Variants in ZNF417 observed in about 807,000 individuals in gnomAD.
The protein encoded by ZNF417 is zinc finger protein 417.
In ZNF417, 5 loss-of-function variants were observed where a neutral mutation model predicts 7.4. The ratio of observed to expected loss-of-function variants is 0.68; its 90% CI spans 0.35 to 1.43. ZNF417 has a LOEUF of 1.43. ZNF417 is among the 40% of genes most tolerant of loss of function. The pLI, the probability that ZNF417 is intolerant of heterozygous loss-of-function variation, is 0.04. For synonymous variants in ZNF417, 147 were observed against 239.1 expected, an observed-to-expected ratio of 0.61 and a Z score of 3.55; for missense variants, 437 against 697.3, an observed-to-expected ratio of 0.63 and a Z score of 4.20.
intron 1 of ZNF417, chr19:57,915,418 C>T (rs2071938793): frequency 2.5e-6 from 1 of 397,884 alleles, no homozygotes; most frequent in Non-Finnish European, 4.7e-6. Flanking sequence ...GTTCCATCCT[C>T]CCGGCTCCGT....
intron 1 of ZNF417, among the ~76,000 whole-genome samples, chr19:57,914,821 C>T (rs2071932883): frequency 6.6e-6 from 1 of 152,168 alleles, no homozygotes; most frequent in African/African-American, 2.4e-5. Context: ...CAGAAATGGG[C>T]ATACTTGCAT....
Position 57,908,931 on chromosome 19 carries a change from A to T in ZNF417, c.1347T>A (p.Tyr449Ter). 1 of 1,612,922 alleles carries T rather than the reference A, an allele frequency of 6.2e-7. No individual in the cohort carries two copies. Among genetic ancestry groups the T allele is most frequent in the South Asian group, 1.1e-5 (1 of 91,032 alleles). The stretch of plus-strand genomic sequence containing the variant: ...GAACTCTCTCATGAACGAGAAGATG[A>T]TACTTCCTGTTAAATAATTTCCCAC... ...RECGKLFNRK[Y>*]HLLVHERVHT... is the part of the protein sequence containing the mutation. Residue 449 changes from tyrosine (Y) to a stop codon, truncating the protein, a stop_gained, in exon 3 of 3, where the codon TAT (tyrosine) becomes TAA (stop). Transcript: ENST00000312026. LOFTEE classifies it low-confidence loss of function (END_TRUNC).
At chr19:57,912,328 G>A (rs543445928) in intron 1 of ZNF417, 139 bp from the exon 2 acceptor site, 2 of 1,459,492 alleles carry the variant, frequency 1.4e-6, no homozygotes, top group East Asian at 2.4e-5. Flanking sequence ...TAGTGCCTTT[G>A]TCTCTTCATG....
At chr19:57,914,054 CTT>C (rs1156480564) in intron 1 of ZNF417, among the ~76,000 whole-genome samples, 2 of 152,194 alleles carry the variant, frequency 1.3e-5, no homozygotes, top group East Asian at 1.9e-4. Flanking sequence ...AAACAACACT[CTT>C]GATATCCACA....
chr19:57,913,084 G>T (rs2071914212), intron 1 of ZNF417, among the ~76,000 whole-genome samples: 1 of 151,754 alleles, frequency 6.6e-6, no homozygotes, highest in African/African-American at 2.4e-5. Context: ...CGGGCTGTTA[G>T]GCTAGGATAC....
At chr19:57,914,385 C>A (rs1385415891) in intron 1 of ZNF417, among the ~76,000 whole-genome samples, 2 of 144,352 alleles carry the variant, frequency 1.4e-5, no homozygotes, top group African/African-American at 5.2e-5. Flanking sequence ...ACCTTGGAGG[C>A]TGAGGCAGGA....
At chr19:57,913,429 C>G (rs1217986027) in intron 1 of ZNF417, among the ~76,000 whole-genome samples, 2 of 152,200 alleles carry the variant, frequency 1.3e-5, no homozygotes, top group Non-Finnish European at 2.9e-5. Context: ...TCAGCTGTAG[C>G]AACCCTCCTC....
Position 57,907,825 on chromosome 19 carries a change from T to A in ZNF417, c.*725A>T, listed in dbSNP as rs142322872. 4.1e-3 allele frequency: 623 copies of A among 153,408 alleles called. 5 individuals are homozygous for A. Among genetic ancestry groups the A allele is most frequent in the Middle Eastern group, 0.02 (17 of 858 alleles). The allele number at this position is 153,408 out of a possible 1,614,324, so 9.5% of individuals were successfully genotyped here. A position where few individuals can be genotyped will look rare whatever the true frequency, so the allele number is the denominator to read the frequency against. On this transcript the variant is annotated 3_prime_UTR_variant, in exon 3 of 3. Coordinates refer to ENST00000312026, the MANE Select transcript of ZNF417 (RefSeq NM_152475.3). ...GTGTCTGCACAGGGACTGGAGATTA[T>A]CTCCAGAAAAGAGCTTGGAGTGAGG...
chr19:57,908,304 T>C lies in ZNF417; in HGVS notation c.*246A>G, dbSNP rs529733009. 1.6e-6 allele frequency: 1 copy of C among 606,250 alleles called. No individual in the cohort carries two copies. The highest frequency in any genetic ancestry group is 2.0e-5 in the South Asian group (1 of 49,144). The allele number at this position is 606,250 out of a possible 1,614,324, so 37.6% of individuals were successfully genotyped here. ...TCGTAATCTCAGCTCCTTGGGAGGCTGAGGTAGGAGAATCACTTGAACCTG... is the reference window on the plus strand; with the variant it reads ...TCGTAATCTCAGCTCCTTGGGAGGCCGAGGTAGGAGAATCACTTGAACCTG... On this transcript the variant is annotated 3_prime_UTR_variant, in exon 3 of 3. Coordinates refer to ENST00000312026, the MANE Select transcript of ZNF417 (RefSeq NM_152475.3).
At chr19:57,912,734 A>C (rs2071909831) in intron 1 of ZNF417, among the ~76,000 whole-genome samples, 3 of 151,692 alleles carry the variant, frequency 2.0e-5, no homozygotes, top group African/African-American at 7.3e-5. Flanking sequence ...TCAGCCTCCC[A>C]AGTAGCCGGG....
rs1157286544 is a variant in ZNF417 at position 57,909,494 on chromosome 19, G to C, written c.784C>G (p.His262Asp). Residue 262 changes from histidine (H) to aspartate (D), a missense_variant, in exon 3 of 3, where the codon CAC becomes GAC. Transcript: ENST00000312026. ...CAATCATAAGGTCCTTTTGCAGTGTGATCTCGCTGATGATTACTGAAGCTG... is the reference window on the plus strand; with the variant it reads ...CAATCATAAGGTCCTTTTGCAGTGTCATCTCGCTGATGATTACTGAAGCTG... ...YVSFSNHQRDHTAKGPYDCGE... is the reference protein window; with the variant it reads ...YVSFSNHQRDDTAKGPYDCGE... The C allele has an allele frequency of 3.7e-6, 6 of 1,612,644 alleles. No homozygotes were observed. In the Admixed American group the frequency reaches 8.4e-5, roughly 22 times the overall value.
chr19:57,915,526 T>A (rs1396607812), intron 1 of ZNF417: 1 of 457,962 alleles, frequency 2.2e-6, no homozygotes, highest in East Asian at 5.8e-5. Context: ...CTTTGCAAAA[T>A]TATAACTGAG....
At chr19:57,914,410 C>T (rs534127342) in intron 1 of ZNF417, among the ~76,000 whole-genome samples, 216 of 140,406 alleles carry the variant, frequency 1.5e-3, no homozygotes, top group Non-Finnish European at 1.3e-3. Context: ...CGCTTGAACC[C>T]GGGAGGCAGA....
Position 57,916,504 on chromosome 19 carries a change from C to A in ZNF417, c.-93G>T. 1.2e-6 allele frequency: 2 copies of A among 1,602,382 alleles called. No individual in the cohort carries two copies. Among genetic ancestry groups the A allele is most frequent in the Non-Finnish European group, 8.5e-7 (1 of 1,174,580 alleles). Reference sequence around the variant, plus strand: ...GGCACCGAGGACGATTCCTCTCCACCTTCTAGGTTCAGTCACCGCGGTCCC... The same window carrying A: ...GGCACCGAGGACGATTCCTCTCCACATTCTAGGTTCAGTCACCGCGGTCCC... On this transcript the variant is annotated 5_prime_UTR_variant, in exon 1 of 3. In the 5' UTR this introduces an upstream ATG that the reference lacks. Coordinates refer to ENST00000312026, the MANE Select transcript of ZNF417 (RefSeq NM_152475.3).
At position 57,907,218 on chromosome 19, in the gene ZNF417, C is replaced by T. The variant is rs2071840043; in HGVS notation, c.*1332G>A. The T allele has an allele frequency of 6.6e-6, 1 of 152,160 alleles. No homozygotes were observed. The highest frequency in any genetic ancestry group is 1.5e-5 in the Non-Finnish European group (1 of 68,028). The allele number at this position is 152,160 out of a possible 1,614,324, so 9.4% of individuals were successfully genotyped here. On this transcript the variant is annotated 3_prime_UTR_variant, in exon 3 of 3. Coordinates refer to ENST00000312026, the MANE Select transcript of ZNF417 (RefSeq NM_152475.3). ...ACAAGCTTTATCCACATTTCTTAAC[C>T]TTTTGTTTCACTAAATGGGACAGGA...
rs548428463 is a variant in ZNF417, at chr19:57,908,647, C to G, written c.1631G>C (p.Gly544Ala). 7.4e-6 allele frequency: 12 copies of G among 1,614,176 alleles called. No homozygotes were observed. The Admixed American group carries it at 1.7e-4, about 22-fold the overall frequency. The change falls in exon 3 of 3, where the codon GGA becomes GCA. Residue 544 changes from glycine (G) to alanine (A), a missense_variant. Physicochemically the swap from Gly to Ala is moderately conservative, Grantham distance 60 (BLOSUM62 0). Coordinates refer to ENST00000312026, the MANE Select transcript of ZNF417 (RefSeq NM_152475.3). ...TTTGGTACATTCATAAGGCCTTTCT[C>G]CAGTGTGAATTCTCCTGTGTTTAAT... is the stretch of plus-strand genomic sequence containing the variant. The part of the protein sequence containing the change: ...SLIKHRRIHT[G>A]ERPYECTKCG...
At chr19:57,915,389 C>A (rs2071938392) in intron 1 of ZNF417, 1 of 312,734 alleles carries the variant, frequency 3.2e-6, no homozygotes, top group Admixed American at 4.4e-5. Context: ...AGCTCCACCT[C>A]ACACTTTGTT....
At chr19:57,915,575 C>A in intron 1 of ZNF417, 1 of 391,490 alleles carries the variant, frequency 2.6e-6, no homozygotes. Context: ...CTTACTGACT[C>A]CGTCTTGCTT....
chr19:57,915,363 T>G, intron 1 of ZNF417: 1 of 264,322 alleles, frequency 3.8e-6, no homozygotes, highest in East Asian at 1.0e-4. Flanking sequence ...CTCGGCCTGC[T>G]TACTCTTCCA....
Sources: allele counts gnomAD v4.1 joint callset (sites outside exome capture counted in the v4.1 genomes callset), GRCh38; gene constraint gnomAD v4.1.1; transcripts MANE v1.5; gene names NCBI Gene and HGNC (gene_info 2026-07-23, HGNC 2026-07-21).